FOXE1: variants seen among roughly 807,000 people sequenced by gnomAD.
FOXE1 encodes the protein forkhead box protein E1.
In FOXE1, 4 loss-of-function variants were observed where a neutral mutation model predicts 2.1. The observed-to-expected ratio is 1.91, with a 90% CI of 0.94 to 4.37. The LOEUF (loss-of-function observed/expected upper bound fraction) is 4.37. FOXE1 is among the 30% of genes most tolerant of loss of function. The probability of loss-of-function intolerance (pLI) is 0.01; values close to 1 mark genes in which losing one functional copy is unlikely to be tolerated. For missense variants in FOXE1, 574 were observed against 583.3 expected, an observed-to-expected ratio of 0.98 and a Z score of 0.16; for synonymous variants, 277 against 272.4, an observed-to-expected ratio of 1.02 and a Z score of -0.17.
In FOXE1 at chr9:97,853,649, G is replaced by T. The variant is rs898313874; in HGVS notation, c.-266G>T. On this transcript the variant is annotated 5_prime_UTR_variant, in exon 1 of 1. Transcript: ENST00000375123. Reference sequence around the variant, plus strand: ...TCCCGGTCACGAGGCCACCGCCGCTGCCCGCCTCGAGAAGCACCACGCGGG... The same window carrying T: ...TCCCGGTCACGAGGCCACCGCCGCTTCCCGCCTCGAGAAGCACCACGCGGG... 27 of 351,810 alleles carry T rather than the reference G, an allele frequency of 7.7e-5. No homozygotes were observed. Among genetic ancestry groups the T allele is most frequent in the Non-Finnish European group, 1.2e-4 (24 of 197,182 alleles). The allele number at this position is 351,810 out of a possible 1,614,324, so 21.8% of individuals were successfully genotyped here.
In FOXE1 at chr9:97,854,620, C is replaced by T; in HGVS notation, c.706C>T (p.Leu236=). The T allele has an allele frequency of 7.2e-7, 1 of 1,388,858 alleles. No individual in the cohort carries two copies. The highest frequency in any genetic ancestry group is 1.6e-5 in the South Asian group (1 of 63,092). The allele number at this position is 1,388,858 out of a possible 1,614,324, so 86.0% of individuals were successfully genotyped here. A position where few individuals can be genotyped will look rare whatever the true frequency, so the allele number is the denominator to read the frequency against. ...LVPERPLSPE[L]GPAPSGPGGS... is the part of the protein sequence containing the mutation. ...TCCTGAGCGGCCGCTCAGCCCAGAG[C>T]TGGGGCCCGCACCGTCGGGGCCCGG... Residue 236 remains leucine (L), a synonymous_variant, in exon 1 of 1, where the codon CTG becomes TTG. Coordinates refer to ENST00000375123, the MANE Select transcript of FOXE1 (RefSeq NM_004473.4).
Position 97,855,061 on chromosome 9 carries a change from A to G in FOXE1, c.*25A>G, listed in dbSNP as rs770298040. 7.4e-6 allele frequency: 12 copies of G among 1,612,272 alleles called. No homozygotes were observed. Among genetic ancestry groups the G allele is most frequent in the African/African-American group, 1.3e-5 (1 of 75,044 alleles). On this transcript the variant is annotated 3_prime_UTR_variant, in exon 1 of 1. Transcript: ENST00000375123. ...AGCCAGCGTAGGGACGAAAACTCAT[A>G]GACACATCGGCTGTTCACACGTTCC...
Position 97,853,725 on chromosome 9 carries a change from A to G in FOXE1, c.-190A>G. 2.4e-6 allele frequency: 1 copy of G among 412,060 alleles called. No individual in the cohort carries two copies. The highest frequency in any genetic ancestry group is 1.3e-4 in the South Asian group (1 of 7,988). 25.5% of individuals were successfully genotyped at this position (412,060 alleles called of 1,614,324 possible). ...CCCGAGCCTCTGTCTGCACCGCGCC[A>G]GCCCCAGACCACGGACGCTGAGCCT... On this transcript the variant is annotated 5_prime_UTR_variant, in exon 1 of 1. Transcript: ENST00000375123.
Position 97,855,966 on chromosome 9 carries a change from A to G in FOXE1, c.*930A>G, listed in dbSNP as rs537163602. On this transcript the variant is annotated 3_prime_UTR_variant, in exon 1 of 1. Transcript: ENST00000375123. ...CATGGCTGTTACTGCCCAGTCATAA[A>G]TCTGCTTTTCCATTATAAGGCAGAG... The G allele has an allele frequency of 2.4e-5, 4 of 167,028 alleles. No homozygotes were observed. The East Asian group carries it at 7.7e-4, about 32-fold the overall frequency. The allele number at this position is 167,028 out of a possible 1,614,324, so 10.3% of individuals were successfully genotyped here.
Position 97,856,469 on chromosome 9 carries a change from C to G in FOXE1, c.*1433C>G, listed in dbSNP as rs1248579500. On this transcript the variant is annotated 3_prime_UTR_variant, in exon 1 of 1. Coordinates refer to ENST00000375123, the MANE Select transcript of FOXE1 (RefSeq NM_004473.4). Reference sequence around the variant, plus strand: ...CAAGTGAGTTATGGCAAGAGAAACTCAGCCTCTTTCTGTATAAACTTAACA... The same window carrying G: ...CAAGTGAGTTATGGCAAGAGAAACTGAGCCTCTTTCTGTATAAACTTAACA... 1 of 167,058 alleles carries G rather than the reference C, an allele frequency of 6.0e-6. No individual in the cohort carries two copies. The highest frequency in any genetic ancestry group is 2.4e-5 in the African/African-American group (1 of 41,442). 10.3% of individuals were successfully genotyped at this position (167,058 alleles called of 1,614,324 possible). A position where few individuals can be genotyped will look rare whatever the true frequency, so the allele number is the denominator to read the frequency against.
Position 97,854,488 on chromosome 9 carries a change from T to A in FOXE1, c.574T>A (p.Tyr192Asn). ...PGAVPAARPP[Y>N]PGAVYAGYAP... Reference sequence around the variant, plus strand: ...CGCGGTGCCCGCCGCGCGCCCCCCCTACCCGGGCGCCGTCTATGCAGGCTA... The same window carrying A: ...CGCGGTGCCCGCCGCGCGCCCCCCCAACCCGGGCGCCGTCTATGCAGGCTA... Residue 192 changes from tyrosine (Y) to asparagine (N), a missense_variant, in exon 1 of 1, where the codon TAC becomes AAC. Physicochemically the swap from Tyr to Asn is moderately radical, Grantham distance 143. This residue lies in a region of FOXE1 where 316 missense variants were observed against 288.4 expected (regional missense o/e 1.10). Transcript: ENST00000375123. 5 of 1,228,022 alleles carry A rather than the reference T, an allele frequency of 4.1e-6. No homozygotes were observed. The highest frequency in any genetic ancestry group is 4.0e-6 in the Non-Finnish European group (4 of 988,548). 76.1% of individuals were successfully genotyped at this position (1,228,022 alleles called of 1,614,324 possible).
In FOXE1 at chr9:97,854,431, G is replaced by A. The variant is rs1223127008; in HGVS notation, c.517G>A (p.Ala173Thr). ...DAAAAAAAAA[A>T]AAAAAAIFPG... Reference sequence around the variant, plus strand: ...GGCGGCTGCCGCAGCCGCCGCCGCCGCCGCCGCCGCCGCCGCCGCCATCTT... The same window carrying A: ...GGCGGCTGCCGCAGCCGCCGCCGCCACCGCCGCCGCCGCCGCCGCCATCTT... The change falls in exon 1 of 1, where the codon GCC becomes ACC. Residue 173 changes from alanine (A) to threonine (T), a missense_variant. Coordinates refer to ENST00000375123, the MANE Select transcript of FOXE1 (RefSeq NM_004473.4). 7.2e-6 allele frequency: 9 copies of A among 1,257,850 alleles called. No individual in the cohort carries two copies. Among genetic ancestry groups the A allele is most frequent in the African/African-American group, 6.3e-5 (4 of 63,168 alleles). The allele number at this position is 1,257,850 out of a possible 1,614,324, so 77.9% of individuals were successfully genotyped here.
chr9:97,855,667 T>C lies in FOXE1; in HGVS notation c.*631T>C, dbSNP rs41274260. On this transcript the variant is annotated 3_prime_UTR_variant, in exon 1 of 1. Coordinates refer to ENST00000375123, the MANE Select transcript of FOXE1 (RefSeq NM_004473.4). ...CCAGTCCCATCACCTGAACCTTCAG[T>C]CTCCCCCATCTGTTACACTAGAGGG... The C allele has an allele frequency of 0.021, 3,574 of 169,110 alleles. 89 individuals are homozygous for C. Among genetic ancestry groups the C allele is most frequent in the Middle Eastern group, 0.074 (22 of 298 alleles). The allele number at this position is 169,110 out of a possible 1,614,324, so 10.5% of individuals were successfully genotyped here.
rs1295719700 is a variant in FOXE1 at position 97,854,572 on chromosome 9, C to T, written c.658C>T (p.Pro220Ser). ...PVYYPAASPG[P>S]CRVFGLVPER... ...CTACTACCCCGCGGCGTCGCCCGGC[C>T]CTTGCCGCGTCTTCGGCCTGGTTCC... Residue 220 changes from proline to serine, a missense_variant, in exon 1 of 1, where the codon CCT becomes TCT. Pro to Ser is a moderately conservative substitution (Grantham distance 74). Around this residue, in one of 3 missense-constraint regions of FOXE1, gnomAD observed 316 missense variants for 288.4 expected, o/e 1.10. Transcript: ENST00000375123. 1.5e-6 allele frequency: 2 copies of T among 1,336,624 alleles called. No individual in the cohort carries two copies. Among genetic ancestry groups the T allele is most frequent in the South Asian group, 2.0e-5 (1 of 50,932 alleles). The allele number at this position is 1,336,624 out of a possible 1,614,324, so 82.8% of individuals were successfully genotyped here. A position where few individuals can be genotyped will look rare whatever the true frequency, so the allele number is the denominator to read the frequency against.
Position 97,854,295 on chromosome 9 carries a change from G to C in FOXE1, c.381G>C (p.Trp127Cys), listed in dbSNP as rs1380786019. The C allele has an allele frequency of 6.2e-7, 1 of 1,612,124 alleles. No homozygotes were observed. Among genetic ancestry groups the C allele is most frequent in the Non-Finnish European group, 8.5e-7 (1 of 1,179,378 alleles). The change falls in exon 1 of 1, where the codon TGG (tryptophan) becomes TGC (cysteine). Residue 127 changes from tryptophan to cysteine, a missense_variant. Transcript: ENST00000375123. ...EAGRPGKGNY[W>C]ALDPNAEDMF... ...GCCGCCCGGGTAAGGGCAACTACTGGGCGCTTGACCCCAACGCGGAGGACA... is the reference window on the plus strand; with the variant it reads ...GCCGCCCGGGTAAGGGCAACTACTGCGCGCTTGACCCCAACGCGGAGGACA...
Position 97,854,356 on chromosome 9 carries a change from C to A in FOXE1, c.442C>A (p.Arg148Ser). Residue 148 changes from arginine to serine, a missense_variant, in exon 1 of 1, where the codon CGC becomes AGC. By Grantham distance (110) the Arg-to-Ser change is moderately radical. This residue lies in a region of FOXE1 where 249 missense variants were observed against 269.6 expected (regional missense o/e 0.92). Coordinates refer to ENST00000375123, the MANE Select transcript of FOXE1 (RefSeq NM_004473.4). Reference sequence around the variant, plus strand: ...CGGCAGCTTCCTGCGCCGCCGCAAGCGCTTCAAGCGCTCGGACCTCTCCAC... The same window carrying A: ...CGGCAGCTTCCTGCGCCGCCGCAAGAGCTTCAAGCGCTCGGACCTCTCCAC... ...ESGSFLRRRKRFKRSDLSTYP... is the reference protein window; with the variant it reads ...ESGSFLRRRKSFKRSDLSTYP... 6.2e-7 allele frequency: 1 copy of A among 1,602,628 alleles called. No homozygotes were observed. Among genetic ancestry groups the A allele is most frequent in the Non-Finnish European group, 8.5e-7 (1 of 1,174,438 alleles).
rs761596822 is a variant in FOXE1, at chr9:97,856,522, A to G, written c.*1486A>G. The G allele has an allele frequency of 6.0e-6, 1 of 167,096 alleles. No homozygotes were observed. The highest frequency in any genetic ancestry group is 1.5e-5 in the Non-Finnish European group (1 of 68,110). The allele number at this position is 167,096 out of a possible 1,614,324, so 10.4% of individuals were successfully genotyped here. On this transcript the variant is annotated 3_prime_UTR_variant, in exon 1 of 1. Coordinates refer to ENST00000375123, the MANE Select transcript of FOXE1 (RefSeq NM_004473.4). Reference sequence around the variant, plus strand: ...GAAGGGCTGGGGTGTGAAAAAGAAGATTGTATGAAAACCATTGGTAATTTT... The same window carrying G: ...GAAGGGCTGGGGTGTGAAAAAGAAGGTTGTATGAAAACCATTGGTAATTTT...
rs1024395722 is a variant in FOXE1, at chr9:97,853,827, C to A, written c.-88C>A. On this transcript the variant is annotated 5_prime_UTR_variant, in exon 1 of 1. Coordinates refer to ENST00000375123, the MANE Select transcript of FOXE1 (RefSeq NM_004473.4). ...TCCCCTGAGCTCTCCGCAGAAGGGC[C>A]GAGCGTCCGTTCCGGGGACGCCAGG... 4.5e-6 allele frequency: 5 copies of A among 1,121,650 alleles called. No individual in the cohort carries two copies. In the African/African-American group the frequency reaches 6.5e-5, roughly 15 times the overall value. The allele number at this position is 1,121,650 out of a possible 1,614,324, so 69.5% of individuals were successfully genotyped here. A position where few individuals can be genotyped will look rare whatever the true frequency, so the allele number is the denominator to read the frequency against.
At position 97,855,523 on chromosome 9, in the gene FOXE1, G is replaced by C. The variant is rs192286824; in HGVS notation, c.*487G>C. ...AAGTGAGGAGGACAAATTTGCAAAA[G>C]AAATAGGCTTTTCTTCTTTTTTAAA... On this transcript the variant is annotated 3_prime_UTR_variant, in exon 1 of 1. Transcript: ENST00000375123. The C allele has an allele frequency of 2.1e-5, 4 of 189,726 alleles. No individual in the cohort carries two copies. In the Admixed American group the frequency reaches 2.2e-4, roughly 11 times the overall value. 11.8% of individuals were successfully genotyped at this position (189,726 alleles called of 1,614,324 possible).
At position 97,854,195 on chromosome 9, in the gene FOXE1, C is replaced by G; in HGVS notation, c.281C>G (p.Pro94Arg). 1 of 1,613,160 alleles carries G rather than the reference C, an allele frequency of 6.2e-7. No homozygotes were observed. The highest frequency in any genetic ancestry group is 8.5e-7 in the Non-Finnish European group (1 of 1,179,756). Reference sequence around the variant, plus strand: ...CGCTTCCCCTTCTACCGCGACAACCCCAAAAAGTGGCAGAACAGCATCCGC... The same window carrying G: ...CGCTTCCCCTTCTACCGCGACAACCGCAAAAAGTGGCAGAACAGCATCCGC... ...TERFPFYRDN[P>R]KKWQNSIRHN... Residue 94 changes from proline to arginine, a missense_variant, in exon 1 of 1, where the codon CCC becomes CGC. Around this residue, in one of 3 missense-constraint regions of FOXE1, gnomAD observed 249 missense variants for 269.6 expected, o/e 0.92. Coordinates refer to ENST00000375123, the MANE Select transcript of FOXE1 (RefSeq NM_004473.4).
chr9:97,854,576 G>C lies in FOXE1; in HGVS notation c.662G>C (p.Cys221Ser). 7.5e-7 allele frequency: 1 copy of C among 1,335,732 alleles called. No homozygotes were observed. Among genetic ancestry groups the C allele is most frequent in the African/African-American group, 1.6e-5 (1 of 64,386 alleles). The allele number at this position is 1,335,732 out of a possible 1,614,324, so 82.7% of individuals were successfully genotyped here. ...TACCCCGCGGCGTCGCCCGGCCCTTGCCGCGTCTTCGGCCTGGTTCCTGAG... is the reference window on the plus strand; with the variant it reads ...TACCCCGCGGCGTCGCCCGGCCCTTCCCGCGTCTTCGGCCTGGTTCCTGAG... ...VYYPAASPGP[C>S]RVFGLVPERP... The change falls in exon 1 of 1, where the codon TGC (cysteine) becomes TCC (serine). Residue 221 changes from cysteine to serine, a missense_variant. Coordinates refer to ENST00000375123, the MANE Select transcript of FOXE1 (RefSeq NM_004473.4).
At position 97,854,522 on chromosome 9, in the gene FOXE1, C is replaced by G. The variant is rs766497891; in HGVS notation, c.608C>G (p.Pro203Arg). 435 of 1,253,372 alleles carry G rather than the reference C, an allele frequency of 3.5e-4. 2 individuals are homozygous for G. In the Admixed American group the frequency reaches 0.017, roughly 48 times the overall value. 77.6% of individuals were successfully genotyped at this position (1,253,372 alleles called of 1,614,324 possible). A position where few individuals can be genotyped will look rare whatever the true frequency, so the allele number is the denominator to read the frequency against. The part of the protein sequence containing the change: ...PGAVYAGYAP[P>R]SLAAPPPVYY... ...GCCGTCTATGCAGGCTACGCGCCGC[C>G]GTCGCTGGCCGCGCCGCCTCCAGTC... Residue 203 changes from proline (P) to arginine (R), a missense_variant, in exon 1 of 1, where the codon CCG (proline) becomes CGG (arginine). Coordinates refer to ENST00000375123, the MANE Select transcript of FOXE1 (RefSeq NM_004473.4).
chr9:97,854,790 C>A lies in FOXE1; in HGVS notation c.876C>A (p.Ala292=). The part of the protein sequence containing the change: ...AGPDGAYPQG[A]GSAIFAAAGR... Reference sequence around the variant, plus strand: ...CCGACGGCGCGTACCCGCAGGGCGCCGGCAGTGCGATCTTTGCCGCTGCTG... The same window carrying A: ...CCGACGGCGCGTACCCGCAGGGCGCAGGCAGTGCGATCTTTGCCGCTGCTG... Residue 292 remains alanine (A), a synonymous_variant, in exon 1 of 1, where the codon GCC becomes GCA. Coordinates refer to ENST00000375123, the MANE Select transcript of FOXE1 (RefSeq NM_004473.4). The A allele has an allele frequency of 6.6e-7, 1 of 1,525,564 alleles. No individual in the cohort carries two copies. Among genetic ancestry groups the A allele is most frequent in the East Asian group, 2.5e-5 (1 of 40,558 alleles). 94.5% of individuals were successfully genotyped at this position (1,525,564 alleles called of 1,614,324 possible).
rs1489138562 is a variant in FOXE1, at chr9:97,856,616, G to A, written c.*1580G>A. On this transcript the variant is annotated 3_prime_UTR_variant, in exon 1 of 1. Coordinates refer to ENST00000375123, the MANE Select transcript of FOXE1 (RefSeq NM_004473.4). ...TGTGAACTTGGTTCAGTCCAAATGG[G>A]GATTTGTATAAACCAGTGCTCTCCA... is the stretch of plus-strand genomic sequence containing the variant. 6.0e-6 allele frequency: 1 copy of A among 166,962 alleles called. No individual in the cohort carries two copies. Among genetic ancestry groups the A allele is most frequent in the Non-Finnish European group, 1.5e-5 (1 of 68,090 alleles). The allele number at this position is 166,962 out of a possible 1,614,324, so 10.3% of individuals were successfully genotyped here.
Sources: allele counts gnomAD v4.1 joint callset, GRCh38; gene constraint gnomAD v4.1.1; regional missense constraint gnomAD v4.1.1; transcripts MANE v1.5; gene names NCBI Gene and HGNC (gene_info 2026-07-23, HGNC 2026-07-21).